The following RPA3 variants were observed in gnomAD, a reference collection of about 807,000 sequenced individuals.
The protein encoded by RPA3 is replication protein A3, also known as replication protein A 14 kDa subunit.
A neutral mutation model predicts 13.7 loss-of-function variants in RPA3; 24 were observed. The ratio of observed to expected loss-of-function variants is 1.75; its 90% CI spans 1.27 to 2.46. The LOEUF (loss-of-function observed/expected upper bound fraction) is 2.46, where lower values mean the gene tolerates loss of function less well. Among genes scored for constraint, RPA3 ranks in the 30% most tolerant of loss-of-function variants. The pLI is 0.00. For synonymous variants in RPA3, 59 were observed against 51.2 expected (o/e 1.15, Z -0.65); for missense variants, 183 against 151.0 (o/e 1.21, Z -1.11).
rs146544740 is a variant in RPA3, at chr7:7,647,796, GTTCT to G, written c.-757-6625_-757-6622del. The stretch of plus-strand genomic sequence containing the variant: ...TAAAATCTTTCTTTTGTAGAGACGG[GTTCT>G]TTCTTTGTTGCCCAGGCTGGTCCAT... On this transcript the variant is annotated intron_variant, in intron 4 of 7. Transcript: ENST00000223129. 3.0e-3 allele frequency among the ~76,000 whole-genome samples: 456 copies of G among 152,214 alleles called. 2 individuals are homozygous for G. Among genetic ancestry groups the G allele is most frequent in the Non-Finnish European group, 5.1e-3 (345 of 68,018 alleles).
chr7:7,675,946 C>T (rs559406520), intron 4 of RPA3, among the ~76,000 whole-genome samples: 6 of 152,202 alleles, frequency 3.9e-5, no homozygotes, highest in Non-Finnish European at 8.8e-5. Context: ...AGCTCCACCC[C>T]TTCACCATTT....
intron 4 of RPA3, among the ~76,000 whole-genome samples, chr7:7,681,845 T>C (rs1779921120): frequency 6.6e-6 from 1 of 152,132 alleles, no homozygotes; most frequent in Non-Finnish European, 1.5e-5. Context: ...CTCATAGTTA[T>C]TTTAAGTTAG....
intron 4 of RPA3, among the ~76,000 whole-genome samples, chr7:7,671,778 T>C (rs1157085178): frequency 6.6e-6 from 1 of 152,110 alleles, no homozygotes; most frequent in Non-Finnish European, 1.5e-5. Context: ...CTCCTTGCTC[T>C]CTATAGAGAG....
At chr7:7,698,383 C>T (rs1320708024) in intron 2 of RPA3, among the ~76,000 whole-genome samples, 1 of 152,168 alleles carries the variant, frequency 6.6e-6, no homozygotes, top group Non-Finnish European at 1.5e-5. Flanking sequence ...TCAATTTCAA[C>T]CAAACTGGTA....
chr7:7,645,695 T>C (rs1334448617), intron 4 of RPA3, among the ~76,000 whole-genome samples: 1 of 152,202 alleles, frequency 6.6e-6, no homozygotes, highest in East Asian at 1.9e-4. Flanking sequence ...TTAATTGAGA[T>C]GATTGAAATG....
At chr7:7,693,021 G>C (rs1780212128) in intron 2 of RPA3, among the ~76,000 whole-genome samples, 1 of 152,080 alleles carries the variant, frequency 6.6e-6, no homozygotes, top group Admixed American at 6.6e-5. Context: ...TATGATTACA[G>C]GTAATTTAAT....
At chr7:7,714,396 G>T (rs1195955517) in intron 2 of RPA3, among the ~76,000 whole-genome samples, 1 of 152,188 alleles carries the variant, frequency 6.6e-6, no homozygotes, top group East Asian at 1.9e-4. Context: ...TATTATAATT[G>T]CATGATTTAA....
chr7:7,651,397 G>C (rs1354641340), intron 4 of RPA3, among the ~76,000 whole-genome samples: 1 of 152,094 alleles, frequency 6.6e-6, no homozygotes, highest in Non-Finnish European at 1.5e-5. Flanking sequence ...GCAACATTTG[G>C]GTATGGAAAC....
chr7:7,693,295 T>TATCTATCTATC, intron 2 of RPA3, among the ~76,000 whole-genome samples: 1 of 148,886 alleles, frequency 6.7e-6, no homozygotes, highest in East Asian at 2.0e-4. Flanking sequence ...TAAAATATCT[T>TATCTATCTATC]TATCTATCTA....
At chr7:7,649,340 C>CT (rs1043991712) in intron 4 of RPA3, among the ~76,000 whole-genome samples, 1 of 151,914 alleles carries the variant, frequency 6.6e-6, no homozygotes, top group Non-Finnish European at 1.5e-5. Flanking sequence ...CTAACTAATG[C>CT]TTTTTTTCAG....
chr7:7,708,665 C>G (rs1780670510), intron 2 of RPA3, among the ~76,000 whole-genome samples: 1 of 152,166 alleles, frequency 6.6e-6, no homozygotes, highest in African/African-American at 2.4e-5. Flanking sequence ...ACTTTTCCTA[C>G]TACTTCGTTT....
At chr7:7,715,150 A>G (rs1780866696) in intron 2 of RPA3, 25 bp downstream of exon 2, 1 of 152,202 alleles carries the variant, frequency 6.6e-6, no homozygotes, top group South Asian at 2.1e-4. Context: ...TTCAGCATAG[A>G]AACAGTTAAA....
intron 4 of RPA3, among the ~76,000 whole-genome samples, chr7:7,670,870 C>T (rs1382740680): frequency 1.3e-5 from 2 of 152,166 alleles, no homozygotes; most frequent in Admixed American, 6.5e-5. Context: ...TTTTGGGGGA[C>T]CCCTATCTTG....
At chr7:7,699,984 G>T (rs548418696) in intron 2 of RPA3, among the ~76,000 whole-genome samples, 1 of 152,316 alleles carries the variant, frequency 6.6e-6, no homozygotes, top group East Asian at 1.9e-4. Context: ...TTCTTCTCAT[G>T]AAGTAAGTGT....
chr7:7,690,972 T>G (rs1010296052), intron 2 of RPA3, among the ~76,000 whole-genome samples: 5 of 152,196 alleles, frequency 3.3e-5, no homozygotes, highest in Admixed American at 3.3e-4. Context: ...GGAGTGCAGT[T>G]TCTTTCTGCT....
chr7:7,688,091 G>T (rs891611625), intron 2 of RPA3, among the ~76,000 whole-genome samples: 7 of 152,208 alleles, frequency 4.6e-5, no homozygotes, highest in African/African-American at 1.7e-4. Context: ...GCTGCATGCA[G>T]TGGTCTGGAA....
intron 2 of RPA3, among the ~76,000 whole-genome samples, chr7:7,699,049 T>TG (rs63713363): frequency 0.037 from 5,275 of 143,454 alleles, 125 homozygotes; most frequent in Non-Finnish European, 0.053. Context: ...TGTGTGTGTG[T>TG]GGGGGGGGGG....
chr7:7,700,664 G>C (rs536836972), intron 2 of RPA3, among the ~76,000 whole-genome samples: 2 of 152,326 alleles, frequency 1.3e-5, no homozygotes, highest in South Asian at 4.1e-4. Context: ...TAGGTGAGCA[G>C]ATCACCCAAG....
At chr7:7,703,626 G>T (rs1389990691) in intron 2 of RPA3, among the ~76,000 whole-genome samples, 1 of 152,114 alleles carries the variant, frequency 6.6e-6, no homozygotes, top group Non-Finnish European at 1.5e-5. Context: ...TCAGTTCAGG[G>T]CCAAAGTTCA....
Sources: allele counts gnomAD v4.1 joint callset (sites outside exome capture counted in the v4.1 genomes callset), GRCh38; gene constraint gnomAD v4.1.1; transcripts MANE v1.5; gene names NCBI Gene and HGNC (gene_info 2026-07-23, HGNC 2026-07-21).